ROBO1: variants seen among roughly 807,000 people sequenced by gnomAD.
ROBO1 encodes the protein roundabout guidance receptor 1, also known as roundabout homolog 1.
In ROBO1, 149 loss-of-function variants were observed where a neutral mutation model predicts 195.9. That is an observed-to-expected ratio of 0.76 (90% CI 0.67 to 0.87). The LOEUF (loss-of-function observed/expected upper bound fraction) is 0.87, where lower values mean the gene tolerates loss of function less well. Among genes scored for constraint, ROBO1 ranks in the 40% least tolerant of loss-of-function variants. The pLI is 0.00. For missense variants in ROBO1, 1,933 were observed against 2,068.3 expected (o/e 0.93, Z 1.27); for synonymous variants, 816 against 733.2 (o/e 1.11, Z -1.82).
chr3:78,909,529 G>T (rs749518914), intron 4 of ROBO1, among the ~76,000 whole-genome samples: 1 of 151,704 alleles, frequency 6.6e-6, no homozygotes, highest in Non-Finnish European at 1.5e-5. Context: ...AGCATAACAA[G>T]CATCTTTTAT....
intron 2 of ROBO1, among the ~76,000 whole-genome samples, chr3:79,226,101 G>A (rs2082222688): frequency 1.3e-5 from 2 of 152,074 alleles, no homozygotes; most frequent in African/African-American, 2.4e-5. Flanking sequence ...ACTTTATCTA[G>A]TTCAAATCAC....
At chr3:79,430,429 TA>T (rs1268971493) in intron 2 of ROBO1, among the ~76,000 whole-genome samples, 2 of 152,160 alleles carry the variant, frequency 1.3e-5, no homozygotes, top group East Asian at 1.9e-4. Context: ...AGCCACTTTT[TA>T]AACTTAAATT....
At chr3:78,678,421 C>T (rs539307645) in intron 10 of ROBO1, among the ~76,000 whole-genome samples, 4 of 152,208 alleles carry the variant, frequency 2.6e-5, no homozygotes, top group South Asian at 2.1e-4. Flanking sequence ...AATTGATAGA[C>T]AGCTAGCAAG....
intron 4 of ROBO1, among the ~76,000 whole-genome samples, chr3:78,772,796 C>T (rs1484423532): frequency 1.3e-5 from 2 of 151,976 alleles, no homozygotes; most frequent in Non-Finnish European, 2.9e-5. Context: ...ATTTAATCCT[C>T]ACAAGAATTG....
intron 2 of ROBO1, among the ~76,000 whole-genome samples, chr3:79,344,207 C>T (rs4362686): frequency 0.21 from 32,577 of 151,958 alleles, 6,011 homozygotes; most frequent in African/African-American, 0.5. Context: ...ATGGAAGTAC[C>T]CTTCCAGATT....
At chr3:78,681,382 G>C (rs1452822570) in intron 10 of ROBO1, among the ~76,000 whole-genome samples, 1 of 152,086 alleles carries the variant, frequency 6.6e-6, no homozygotes, top group Non-Finnish European at 1.5e-5. Flanking sequence ...CATTCTGGTT[G>C]GATAGTAGCA....
At chr3:79,429,668 A>C (rs1309413127) in intron 2 of ROBO1, among the ~76,000 whole-genome samples, 1 of 152,156 alleles carries the variant, frequency 6.6e-6, no homozygotes, top group Non-Finnish European at 1.5e-5. Flanking sequence ...TTCAGGTTTG[A>C]AGCCAGATAA....
At chr3:79,109,798 T>C (rs560358220) in intron 3 of ROBO1, among the ~76,000 whole-genome samples, 9 of 152,244 alleles carry the variant, frequency 5.9e-5, no homozygotes, top group Non-Finnish European at 1.2e-4. Flanking sequence ...ACAGTTATTA[T>C]GAGGTGTTCC....
At chr3:78,681,700 C>T (rs975412958) in intron 10 of ROBO1, among the ~76,000 whole-genome samples, 3 of 152,032 alleles carry the variant, frequency 2.0e-5, no homozygotes, top group African/African-American at 7.2e-5. Context: ...GTCAGGAGAT[C>T]AAGACCATCC....
intron 2 of ROBO1, among the ~76,000 whole-genome samples, chr3:79,472,223 CCCTCCAACTT>C (rs1395788739): frequency 1.3e-5 from 2 of 152,062 alleles, no homozygotes; most frequent in Non-Finnish European, 2.9e-5. Flanking sequence ...GGATTTCTCT[CCCTCCAACTT>C]CATGGGCAAT....
chr3:78,804,683 G>A (rs1275249396), intron 4 of ROBO1, among the ~76,000 whole-genome samples: 1 of 147,462 alleles, frequency 6.8e-6, no homozygotes, highest in Non-Finnish European at 1.5e-5. Flanking sequence ...TTGGCAACTG[G>A]GTGGGAAATT....
At chr3:79,345,005 G>A (rs759438546) in intron 2 of ROBO1, among the ~76,000 whole-genome samples, 4 of 152,146 alleles carry the variant, frequency 2.6e-5, no homozygotes, top group Non-Finnish European at 5.9e-5. Flanking sequence ...CCCCAGTCAT[G>A]CAGAACTGTG....
intron 10 of ROBO1, among the ~76,000 whole-genome samples, chr3:78,673,560 TTTTATATA>T (rs1209149743): frequency 6.7e-5 from 5 of 74,618 alleles, no homozygotes; most frequent in African/African-American, 2.2e-4. Context: ...GTTACATATA[TTTTATATA>T]TATATATATA....
intron 1 of ROBO1, among the ~76,000 whole-genome samples, chr3:79,701,985 T>C (rs772323819): frequency 1.3e-5 from 2 of 151,754 alleles, no homozygotes; most frequent in Non-Finnish European, 2.9e-5. Flanking sequence ...ATATCTAAAC[T>C]TCGTCCTCTC....
At chr3:79,307,897 T>A (rs2033296107) in intron 2 of ROBO1, among the ~76,000 whole-genome samples, 3 of 152,116 alleles carry the variant, frequency 2.0e-5, no homozygotes, top group Admixed American at 1.3e-4. Flanking sequence ...ATAATATGTG[T>A]TAATAAATAT....
At chr3:78,827,946 C>T (rs1166178929) in intron 4 of ROBO1, among the ~76,000 whole-genome samples, 1 of 152,102 alleles carries the variant, frequency 6.6e-6, no homozygotes, top group Non-Finnish European at 1.5e-5. Flanking sequence ...TATTTGGTTC[C>T]CATGGCATAG....
intron 2 of ROBO1, among the ~76,000 whole-genome samples, chr3:79,338,649 C>A (rs1272407132): frequency 6.6e-6 from 1 of 152,060 alleles, no homozygotes; most frequent in Admixed American, 6.6e-5. Flanking sequence ...AGTTTTCTTT[C>A]TACATCTCTG....
intron 4 of ROBO1, among the ~76,000 whole-genome samples, chr3:78,774,791 C>G (rs1177167291): frequency 6.6e-6 from 1 of 152,108 alleles, no homozygotes; most frequent in Non-Finnish European, 1.5e-5. Context: ...TAATGTGACT[C>G]TATTTACTAT....
intron 1 of ROBO1, among the ~76,000 whole-genome samples, chr3:79,767,215 C>G (rs1334201566): frequency 6.6e-6 from 1 of 152,102 alleles, no homozygotes; most frequent in African/African-American, 2.4e-5. Context: ...GCAGCCTGCC[C>G]GTGTCTATGC....
Sources: gnomAD v4.1 joint callset for allele counts (sites outside exome capture counted in the v4.1 genomes callset) on GRCh38, gnomAD v4.1.1 for gene constraint, MANE v1.5 for transcripts, NCBI Gene and HGNC (gene_info 2026-07-23, HGNC 2026-07-21) for gene names.